The following LAD1 variants were observed in gnomAD, a reference collection of about 807,000 sequenced individuals.
LAD1 encodes the protein ladinin-1.
In LAD1, 53 loss-of-function variants were observed where a neutral mutation model predicts 54.2. That is an observed-to-expected ratio of 0.98 (90% CI 0.78 to 1.23). The LOEUF (loss-of-function observed/expected upper bound fraction) is 1.23. Among genes scored for constraint, LAD1 ranks in the 50% most tolerant of loss-of-function variants. LAD1 has a pLI of 0.00. For missense variants in LAD1, 637 were observed against 653.3 expected, an observed-to-expected ratio of 0.98 and a Z score of 0.27; for synonymous variants, 231 against 257.7, an observed-to-expected ratio of 0.90 and a Z score of 0.99.
intron 6 of LAD1, 26 bp downstream of exon 6, chr1:201,383,291 G>A (rs774444567): frequency 6.7e-5 from 108 of 1,613,496 alleles, no homozygotes; most frequent in Admixed American, 1.0e-4. Context: ...TGCACCCTCC[G>A]CCCCTCAGGA....
At chr1:201,388,903 T>A (rs1662144555) in intron 2 of LAD1, among the ~76,000 whole-genome samples, 1 of 152,190 alleles carries the variant, frequency 6.6e-6, no homozygotes, top group African/African-American at 2.4e-5. Context: ...ATTGTGTGGA[T>A]TACGTGAGCT....
chr1:201,387,723 G>A (rs77947043), intron 2 of LAD1, among the ~76,000 whole-genome samples: 2,078 of 152,200 alleles, frequency 0.014, 27 homozygotes, highest in South Asian at 0.025. Flanking sequence ...GTCTGCTGCC[G>A]GGCAAGGCTG....
chr1:201,385,296 A>G (rs1367546431), intron 4 of LAD1, among the ~76,000 whole-genome samples: 3 of 152,222 alleles, frequency 2.0e-5, no homozygotes, highest in African/African-American at 7.2e-5. Context: ...AGTTTGTACT[A>G]TTGGGAGAGT....
chr1:201,389,605 G>A (rs1256967450), intron 1 of LAD1, among the ~76,000 whole-genome samples: 1 of 151,748 alleles, frequency 6.6e-6, no homozygotes, highest in Non-Finnish European at 1.5e-5. Context: ...CTGAGCTCAG[G>A]AGTTTGAGAC....
At position 201,383,335 on chromosome 1, in the gene LAD1, T is replaced by A; in HGVS notation, c.1230A>T (p.Arg410Ser). ...NTVKLGEKLE[R>S]YHTAIRRSES... The stretch of plus-strand genomic sequence containing the variant: ...CACCCACCCGTATGGCCGTGTGGTA[T>A]CTCTCCAGCTTCTCTCCCAACTTCA... The change falls in exon 6 of 10, where the codon AGA (arginine) becomes AGT (serine). Residue 410 changes from arginine to serine, a missense_variant. Physicochemically the swap from Arg to Ser is moderately radical, Grantham distance 110 (BLOSUM62 -1). Transcript: ENST00000391967. 1.2e-6 allele frequency: 2 copies of A among 1,613,922 alleles called. No homozygotes were observed. Among genetic ancestry groups the A allele is most frequent in the African/African-American group, 1.3e-5 (1 of 74,920 alleles).
At chr1:201,389,096 G>A in intron 2 of LAD1, 64 bp downstream of exon 2, 2 of 1,558,744 alleles carry the variant, frequency 1.3e-6, no homozygotes, top group Non-Finnish European at 1.8e-6. Context: ...GACTGAATAT[G>A]CTGCACTTAG....
chr1:201,398,679 G>A (rs1278898575), intron 1 of LAD1, among the ~76,000 whole-genome samples: 1 of 152,202 alleles, frequency 6.6e-6, no homozygotes, highest in African/African-American at 2.4e-5. Context: ...AGTAAAGATT[G>A]CAGCAGCACA....
chr1:201,389,428 AGAAGTGCTT>A (rs1330171921), intron 1 of LAD1, 125 bp from the exon 2 acceptor site: 14 of 1,137,868 alleles, frequency 1.2e-5, no homozygotes, highest in Non-Finnish European at 1.3e-5. Context: ...CTAGCAGCTC[AGAAGTGCTT>A]GAAACGTGGC....
chr1:201,387,285 A>C, intron 2 of LAD1, 107 bp from the exon 3 acceptor site: 1 of 1,279,596 alleles, frequency 7.8e-7, no homozygotes, highest in Non-Finnish European at 1.0e-6. Flanking sequence ...GGAGGTGAGG[A>C]TGTCAGGCCC....
chr1:201,392,339 T>A (rs917837023), intron 1 of LAD1, among the ~76,000 whole-genome samples: 15 of 152,220 alleles, frequency 9.9e-5, no homozygotes, highest in Non-Finnish European at 2.1e-4. Flanking sequence ...GTCTTCCCCT[T>A]CACAGGGCAC....
Position 201,390,961 on chromosome 1 carries a change from C to A in LAD1, c.39-1658G>T, listed in dbSNP as rs558537404. 1.9e-5 allele frequency: 7 copies of A among 368,004 alleles called. No homozygotes were observed. In the East Asian group the frequency reaches 5.3e-4, roughly 28 times the overall value. 22.8% of individuals were successfully genotyped at this position (368,004 alleles called of 1,614,324 possible). ...TGCCAAGTGCCTTTCTCTTTTTGGT[C>A]CTGGGATTCTTAGGTAATATCCATC... On this transcript the variant is annotated intron_variant, in intron 1 of 9. Coordinates refer to ENST00000391967, the MANE Select transcript of LAD1 (RefSeq NM_005558.4).
Position 201,389,277 on chromosome 1 carries a change from T to A in LAD1, c.65A>T (p.Asp22Val), listed in dbSNP as rs1662154111. ...GCGCTCGCGCTCCTGTTCCTCCTCA[T>A]CCTCCAGAGTCCTCTGCCGGGCAAG... The part of the protein sequence containing the change: ...SSLARQRTLE[D>V]EEEQERERRR... The change falls in exon 2 of 10, where the codon GAT (aspartate) becomes GTT (valine). Residue 22 changes from aspartate to valine, a missense_variant. Physicochemically the swap from Asp to Val is radical, Grantham distance 152. Transcript: ENST00000391967. 1.2e-6 allele frequency: 2 copies of A among 1,613,470 alleles called. No individual in the cohort carries two copies. The highest frequency in any genetic ancestry group is 1.7e-6 in the Non-Finnish European group (2 of 1,179,920).
At chr1:201,381,999 C>T in intron 9 of LAD1, 106 bp from the exon 10 acceptor site, 1 of 1,247,240 alleles carries the variant, frequency 8.0e-7, no homozygotes, top group South Asian at 1.4e-5. Context: ...CCCACACCCA[C>T]AAGGAGTCAG....
intron 1 of LAD1, among the ~76,000 whole-genome samples, chr1:201,390,272 G>A (rs562655120): frequency 2.6e-5 from 4 of 151,538 alleles, no homozygotes; most frequent in Admixed American, 6.6e-5. Context: ...TAGGCCGGGC[G>A]CGGTGGCTCA....
Position 201,385,772 on chromosome 1 carries a change from T to G in LAD1, c.1060A>C (p.Met354Leu). Residue 354 changes from methionine to leucine, a missense_variant, in exon 4 of 10, where the codon ATG (methionine) becomes CTG (leucine). By Grantham distance (15) the Met-to-Leu change is conservative (BLOSUM62 2). Transcript: ENST00000391967. ...KIPSKEEEAD[M>L]SSPTQRTYSS... ...TAGGTTCGCTGTGTGGGTGAGGACA[T>G]ATCTGCCTCTTCCTCCTTGCTGGGG... 6.2e-7 allele frequency: 1 copy of G among 1,614,114 alleles called. No individual in the cohort carries two copies. Among genetic ancestry groups the G allele is most frequent in the East Asian group, 2.2e-5 (1 of 44,882 alleles).
chr1:201,391,247 A>G (rs1662191828), intron 1 of LAD1: 3 of 429,678 alleles, frequency 7.0e-6, no homozygotes, highest in Middle Eastern at 4.0e-4. Flanking sequence ...AGGGGACCCC[A>G]CACTCTACTT....
At chr1:201,395,983 AG>A (rs1662280290) in intron 1 of LAD1, among the ~76,000 whole-genome samples, 1 of 152,152 alleles carries the variant, frequency 6.6e-6, no homozygotes, top group Admixed American at 6.5e-5. Context: ...GAGGCCCAAG[AG>A]GGCATCTGAA....
intron 7 of LAD1, 58 bp downstream of exon 7, chr1:201,383,016 G>C: frequency 6.4e-7 from 1 of 1,552,948 alleles, no homozygotes; most frequent in Non-Finnish European, 8.7e-7. Context: ...CAAGATTTGG[G>C]TTTTGGAGAC....
intron 3 of LAD1, 74 bp from the exon 4 acceptor site, chr1:201,385,879 C>A: frequency 9.4e-7 from 1 of 1,062,992 alleles, no homozygotes; most frequent in Non-Finnish European, 1.5e-6. Context: ...AACCCCATGG[C>A]TCACCCCAGG....
Sources: gnomAD v4.1 joint callset for allele counts (sites outside exome capture counted in the v4.1 genomes callset) on GRCh38, gnomAD v4.1.1 for gene constraint, MANE v1.5 for transcripts, NCBI Gene and HGNC (gene_info 2026-07-23, HGNC 2026-07-21) for gene names.